DYNC1H1: variants seen among roughly 807,000 people sequenced by gnomAD.
DYNC1H1 encodes cytoplasmic dynein 1 heavy chain 1.
Under a neutral mutation model 527.1 loss-of-function variants are expected in DYNC1H1, and 51 were observed. The observed-to-expected ratio is 0.10, with a 90% confidence interval of 0.08 to 0.12. The LOEUF (loss-of-function observed/expected upper bound fraction) is 0.12, where lower values mean the gene tolerates loss of function less well. DYNC1H1 is among the 10% of genes least tolerant of loss of function. DYNC1H1 has a pLI of 1.00. For missense variants in DYNC1H1, 2,771 were observed against 5,971.8 expected (o/e 0.46, Z 17.66); for synonymous variants, 2,189 against 2,278.8 (o/e 0.96, Z 1.12).
Position 102,026,603 on chromosome 14 carries a change from A to G in DYNC1H1, c.8667A>G (p.Leu2889=), listed in dbSNP as rs754129758. The G allele has an allele frequency of 2.5e-6, 4 of 1,614,150 alleles. No homozygotes were observed. Among genetic ancestry groups the G allele is most frequent in the South Asian group, 1.1e-5 (1 of 91,084 alleles). The change falls in exon 44 of 78, where the codon TTA becomes TTG. Residue 2889 remains leucine, a synonymous_variant. Transcript: ENST00000360184. ...KDYIPVDQEE[L]RDYVKARLKV... is the part of the protein sequence containing the mutation. ...ACATCCCAGTAGACCAAGAAGAGTT[A>G]AGAGATTATGTCAAAGCTAGGCTGA...
rs540771686 is a variant in DYNC1H1 at position 101,969,977 on chromosome 14, G to C, written c.256+5030G>C. On this transcript the variant is annotated intron_variant, in intron 1 of 77. Coordinates refer to ENST00000360184, the MANE Select transcript of DYNC1H1 (RefSeq NM_001376.5). Reference sequence around the variant, plus strand: ...CCCAGTTGGGAAAAGGATGTTCTAAGGAGGGTTCTGAAACCTAAAAACTCA... The same window carrying C: ...CCCAGTTGGGAAAAGGATGTTCTAACGAGGGTTCTGAAACCTAAAAACTCA... Among the ~76,000 whole-genome samples, 25 of 152,288 alleles carry C rather than the reference G, an allele frequency of 1.6e-4. 1 individual carries two copies. The South Asian group carries it at 5.2e-3, about 32-fold the overall frequency.
Position 101,996,713 on chromosome 14 carries a change from C to A in DYNC1H1, c.3565-322C>A, listed in dbSNP as rs7155842. Among the ~76,000 whole-genome samples, 42,697 of 151,980 alleles carry A rather than the reference C, an allele frequency of 0.28. 7,857 individuals are homozygous for A. The highest frequency in any genetic ancestry group is 0.53 in the African/African-American group (22,075 of 41,396). On this transcript the variant is annotated intron_variant, in intron 15 of 77. Coordinates refer to ENST00000360184, the MANE Select transcript of DYNC1H1 (RefSeq NM_001376.5). ...CCTAGCTCACTGCAGCCTCAATCTCCCGGGCTCAAACAATCCTCCCACCTC... is the reference window on the plus strand; with the variant it reads ...CCTAGCTCACTGCAGCCTCAATCTCACGGGCTCAAACAATCCTCCCACCTC...
intron 10 of DYNC1H1, 109 bp downstream of exon 10, chr14:101,988,961 C>T (rs115712310): frequency 6.9e-7 from 1 of 1,445,064 alleles, no homozygotes; most frequent in African/African-American, 1.4e-5. Context: ...GCAGATGCCA[C>T]CTTAACCAGG....
Position 102,050,837 on chromosome 14 carries a change from A to G in DYNC1H1, c.*274A>G. On this transcript the variant is annotated 3_prime_UTR_variant, in exon 78 of 78. Transcript: ENST00000360184. ...TCTCCGCTTTCATCCCAGGGCACAG[A>G]GCCTTGCCTTCCATGCTGCCCAGGG... 1 of 444,822 alleles carries G rather than the reference A, an allele frequency of 2.2e-6. No homozygotes were observed. Among genetic ancestry groups the G allele is most frequent in the South Asian group, 2.1e-5 (1 of 48,018 alleles). The allele number at this position is 444,822 out of a possible 1,614,324, so 27.6% of individuals were successfully genotyped here.
rs1283103932 is a variant in DYNC1H1, at chr14:102,048,754, C to T, written c.13372+85C>T. 2.2e-5 allele frequency: 31 copies of T among 1,421,410 alleles called. 1 individual carries two copies. Among genetic ancestry groups the T allele is most frequent in the Admixed American group, 1.4e-4 (7 of 49,372 alleles). The allele number at this position is 1,421,410 out of a possible 1,614,324, so 88.0% of individuals were successfully genotyped here. A position where few individuals can be genotyped will look rare whatever the true frequency, so the allele number is the denominator to read the frequency against. On this transcript the variant is annotated intron_variant, in intron 74 of 77. Transcript: ENST00000360184. ...AACCCAGCCCAGCCACACAGCACCA[C>T]GTGCAGACAGCCAGGCCTGCAGGAG...
At chr14:102,034,561 G>C in intron 56 of DYNC1H1, 109 bp downstream of exon 56, 1 of 1,573,320 alleles carries the variant, frequency 6.4e-7, no homozygotes, top group South Asian at 1.1e-5. Flanking sequence ...ATGGGGCGTG[G>C]GCATACAGTG....
intron 18 of DYNC1H1, 111 bp from the exon 19 acceptor site, chr14:102,000,843 G>C: frequency 1.0e-6 from 1 of 968,710 alleles, no homozygotes; most frequent in Non-Finnish European, 1.7e-6. Context: ...AAAGTGCTGG[G>C]ATTACAGGCA....
chr14:102,010,980 G>T lies in DYNC1H1; in HGVS notation c.6618+28G>T, dbSNP rs763459558. ...AACTTGGATTGTTTCACTGGCCACT[G>T]CCCTCACAGACCCTGCTGGCTTTAG... On this transcript the variant is annotated intron_variant, in intron 32 of 77. Coordinates refer to ENST00000360184, the MANE Select transcript of DYNC1H1 (RefSeq NM_001376.5). This position sits in a 1 kb window ranked among gnomAD's most constrained non-coding sequence, Gnocchi z 6.0. 1 of 1,612,162 alleles carries T rather than the reference G, an allele frequency of 6.2e-7. No individual in the cohort carries two copies. Among genetic ancestry groups the T allele is most frequent in the Non-Finnish European group, 8.5e-7 (1 of 1,178,240 alleles).
intron 15 of DYNC1H1, 111 bp from the exon 16 acceptor site, chr14:101,996,924 G>T (rs1295384416): frequency 6.9e-7 from 1 of 1,458,116 alleles, no homozygotes; most frequent in Non-Finnish European, 9.3e-7. Flanking sequence ...TGTCTGGCCA[G>T]TCTTACGTGT....
rs2048687056 is a variant in DYNC1H1 at position 102,044,206 on chromosome 14, C to G, written c.12685-68C>G. The stretch of plus-strand genomic sequence containing the variant: ...GGGGAGTGAGGAGGAAAGCTGTGCC[C>G]CTCGAAAGGAAGCCCCGGGCCTGCC... On this transcript the variant is annotated intron_variant, in intron 70 of 77. Coordinates refer to ENST00000360184, the MANE Select transcript of DYNC1H1 (RefSeq NM_001376.5). This position sits in a 1 kb window ranked among gnomAD's most constrained non-coding sequence, Gnocchi z 7.1. 2 of 1,598,608 alleles carry G rather than the reference C, an allele frequency of 1.3e-6. No homozygotes were observed.
Position 102,005,159 on chromosome 14 carries a change from G to A in DYNC1H1, c.5356G>A (p.Glu1786Lys). ...APLHSVLSNV[E>K]VTLNVLADSV... is the part of the protein sequence containing the mutation. ...CTTGCACTCTGTGCTGAGCAATGTGGAGGTCACCCTCAATGTGTTAGCAGA... is the reference window on the plus strand; with the variant it reads ...CTTGCACTCTGTGCTGAGCAATGTGAAGGTCACCCTCAATGTGTTAGCAGA... The change falls in exon 26 of 78, where the codon GAG (glutamate) becomes AAG (lysine). Residue 1786 changes from glutamate (E) to lysine (K), a missense_variant. Physicochemically the swap from Glu to Lys is moderately conservative, Grantham distance 56 (BLOSUM62 1). Transcript: ENST00000360184. The surrounding 1 kb of genome is among the most constrained non-coding windows in gnomAD (Gnocchi z 4.0). 1 of 1,614,236 alleles carries A rather than the reference G, an allele frequency of 6.2e-7. No homozygotes were observed. The highest frequency in any genetic ancestry group is 1.3e-5 in the African/African-American group (1 of 75,062).
Position 102,040,337 on chromosome 14 carries a change from A to C in DYNC1H1, c.11792A>C (p.Gln3931Pro). ...AGGATCCAGGGCCTGACTGTGGAGC[A>C]GGCGGAGGCGGTGGTGAGGCTGAGC... ...TPRIQGLTVEQAEAVVRLSCL... is the reference protein window; with the variant it reads ...TPRIQGLTVEPAEAVVRLSCL... The change falls in exon 63 of 78, where the codon CAG (glutamine) becomes CCG (proline). Residue 3931 changes from glutamine to proline, a missense_variant. This residue lies in a region of DYNC1H1 where 120 missense variants were observed against 161.9 expected (regional missense o/e 0.74). Transcript: ENST00000360184. 6.2e-7 allele frequency: 1 copy of C among 1,614,218 alleles called. No individual in the cohort carries two copies. Among genetic ancestry groups the C allele is most frequent in the African/African-American group, 1.3e-5 (1 of 75,058 alleles).
chr14:101,978,615 G>A (rs149369487), intron 2 of DYNC1H1, among the ~76,000 whole-genome samples: 5 of 152,316 alleles, frequency 3.3e-5, no homozygotes, highest in East Asian at 3.9e-4. Context: ...AGTACACAAA[G>A]AAATAAAACC....
rs896551398 is a variant in DYNC1H1 at position 102,017,570 on chromosome 14, C to T, written c.8177+66C>T. Reference sequence around the variant, plus strand: ...AGCTCCAGGATTGCTGTAAACACAGCGCCACAAAAACCTGGTTTTGATAAT... The same window carrying T: ...AGCTCCAGGATTGCTGTAAACACAGTGCCACAAAAACCTGGTTTTGATAAT... On this transcript the variant is annotated intron_variant, in intron 40 of 77. Transcript: ENST00000360184. The surrounding 1 kb of genome is among the most constrained non-coding windows in gnomAD (Gnocchi z 4.6). 7 of 1,613,624 alleles carry T rather than the reference C, an allele frequency of 4.3e-6. No homozygotes were observed. Among genetic ancestry groups the T allele is most frequent in the African/African-American group, 2.7e-5 (2 of 74,896 alleles).
Position 102,049,353 on chromosome 14 carries a change from GGA to G in DYNC1H1, c.13373-86_13373-85del. The G allele has an allele frequency of 6.3e-7, 1 of 1,597,264 alleles. No individual in the cohort carries two copies. The highest frequency in any genetic ancestry group is 2.2e-5 in the East Asian group (1 of 44,760). ...CGCCAGCCGCCTGTGTGGGCAGCCAGGATGCCTAGCACTTGCACATTTGTTCC... is the reference window on the plus strand; with the variant it reads ...CGCCAGCCGCCTGTGTGGGCAGCCAGTGCCTAGCACTTGCACATTTGTTCC... On this transcript the variant is annotated intron_variant, in intron 74 of 77. Coordinates refer to ENST00000360184, the MANE Select transcript of DYNC1H1 (RefSeq NM_001376.5). The surrounding 1 kb of genome is among the most constrained non-coding windows in gnomAD (Gnocchi z 5.5).
At chr14:102,003,730 C>A (rs924730035) in intron 23 of DYNC1H1, among the ~76,000 whole-genome samples, 3 of 151,142 alleles carry the variant, frequency 2.0e-5, no homozygotes, top group African/African-American at 7.3e-5. Context: ...AGTTTAGGAC[C>A]AGCCTGGACA....
At chr14:102,046,902 G>A (rs907240987) in intron 72 of DYNC1H1, among the ~76,000 whole-genome samples, 1 of 151,760 alleles carries the variant, frequency 6.6e-6, no homozygotes. Context: ...GGGCTCAAGC[G>A]ATCCCCCCAC....
chr14:102,026,444 A>T (rs1006954189), intron 43 of DYNC1H1, 130 bp from the exon 44 acceptor site: 1 of 984,724 alleles, frequency 1.0e-6, no homozygotes, highest in Admixed American at 2.7e-5. Context: ...TTTTTTTGCT[A>T]TGTTATAAAT....
Position 101,996,137 on chromosome 14 carries a change from T to TA in DYNC1H1, c.3564+837_3564+838insA, listed in dbSNP as rs1239165253. 2.0e-4 allele frequency among the ~76,000 whole-genome samples: 29 copies of TA among 148,600 alleles called. 1 individual carries two copies. The highest frequency in any genetic ancestry group is 6.8e-4 in the African/African-American group (28 of 40,918). On this transcript the variant is annotated intron_variant, in intron 15 of 77. Coordinates refer to ENST00000360184, the MANE Select transcript of DYNC1H1 (RefSeq NM_001376.5). Reference sequence around the variant, plus strand: ...AGGTTTTTCTTTTCTTTTCTTTTCTTTTTTTTTTTTGAGATGGAGTCTCGC... The same window carrying TA: ...AGGTTTTTCTTTTCTTTTCTTTTCTTATTTTTTTTTTGAGATGGAGTCTCGC...
Sources: gnomAD v4.1 joint callset for allele counts (sites outside exome capture counted in the v4.1 genomes callset) on GRCh38, gnomAD v4.1.1 for gene constraint, gnomAD v4.1.1 regional missense constraint, Gnocchi (gnomAD v3.1) non-coding constraint, MANE v1.5 for transcripts, NCBI Gene and HGNC (gene_info 2026-07-23, HGNC 2026-07-21) for gene names.